The following ASB4 variants were observed in gnomAD, a reference collection of about 807,000 sequenced individuals.
The protein encoded by ASB4 is ankyrin repeat and SOCS box protein 4.
Under a neutral mutation model 38.6 loss-of-function variants are expected in ASB4, and 35 were observed. That is an observed-to-expected ratio of 0.91 (90% CI 0.69 to 1.20). The LOEUF (loss-of-function observed/expected upper bound fraction) is 1.20, where lower values mean the gene tolerates loss of function less well. ASB4 is among the 50% of genes most tolerant of loss of function. ASB4 has a pLI of 0.00. For synonymous variants in ASB4, 195 were observed against 201.3 expected (o/e 0.97, Z 0.26); for missense variants, 557 against 527.2 (o/e 1.06, Z -0.55).
At chr7:95,508,381 G>C (rs1206788512) in intron 2 of ASB4, among the ~76,000 whole-genome samples, 1 of 152,044 alleles carries the variant, frequency 6.6e-6, no homozygotes, top group Non-Finnish European at 1.5e-5. Context: ...AGAGTGAAAA[G>C]AGAAGAAGTA....
chr7:95,539,240 A>G lies in ASB4; in HGVS notation c.*1481A>G, dbSNP rs1790938116. 1 of 152,198 alleles carries G rather than the reference A, an allele frequency of 6.6e-6. No individual in the cohort carries two copies. The highest frequency in any genetic ancestry group is 2.4e-5 in the African/African-American group (1 of 41,452). 9.4% of individuals were successfully genotyped at this position (152,198 alleles called of 1,614,324 possible). On this transcript the variant is annotated 3_prime_UTR_variant, in exon 5 of 5. Coordinates refer to ENST00000325885, the MANE Select transcript of ASB4 (RefSeq NM_016116.3). ...AACTTTGGATGCTGGAGTGTTGAAT[A>G]GAGATGATGTCAGATATTCCAATAG...
intron 2 of ASB4, among the ~76,000 whole-genome samples, chr7:95,498,275 A>G (rs142204124): frequency 1.3e-5 from 2 of 152,322 alleles, no homozygotes; most frequent in African/African-American, 4.8e-5. Context: ...GTTTGAGTTC[A>G]GCGTGGGCAA....
At chr7:95,479,468 G>A (rs1213841517) in intron 1 of ASB4, among the ~76,000 whole-genome samples, 5 of 152,170 alleles carry the variant, frequency 3.3e-5, no homozygotes, top group Admixed American at 6.5e-5. Flanking sequence ...TAAAAGTATA[G>A]TTTTAATTGT....
At chr7:95,550,439 T>C in the ASB4 span, among the ~76,000 whole-genome samples, 1 of 152,172 alleles carries the variant, frequency 6.6e-6, no homozygotes, top group African/African-American at 2.4e-5. Context: ...GCTTCTCTCC[T>C]GTCTCGGAAG....
upstream of ASB4, among the ~76,000 whole-genome samples, chr7:95,477,252 C>T (rs1476589911): frequency 6.6e-6 from 1 of 152,078 alleles, no homozygotes; most frequent in East Asian, 1.9e-4. Context: ...TCTAGAAAAA[C>T]GTTTGTGGCT....
upstream of ASB4, among the ~76,000 whole-genome samples, chr7:95,477,120 C>A (rs1473053230): frequency 2.0e-5 from 3 of 151,436 alleles, no homozygotes; most frequent in Non-Finnish European, 4.4e-5. Context: ...TTTTTTTTCC[C>A]CAGGATACTG....
At chr7:95,534,710 T>A (rs910354093) in intron 3 of ASB4, among the ~76,000 whole-genome samples, 1 of 152,210 alleles carries the variant, frequency 6.6e-6, no homozygotes, top group Non-Finnish European at 1.5e-5. Flanking sequence ...TGACTTATAT[T>A]GCTCTCTAAC....
intron 2 of ASB4, among the ~76,000 whole-genome samples, chr7:95,505,505 G>A (rs563265441): frequency 6.6e-6 from 1 of 152,200 alleles, no homozygotes; most frequent in African/African-American, 2.4e-5. Flanking sequence ...TTCTTCAGAG[G>A]CAACCACTTT....
chr7:95,548,279 C>T, the ASB4 span, among the ~76,000 whole-genome samples: 2 of 152,142 alleles, frequency 1.3e-5, no homozygotes, highest in African/African-American at 4.8e-5. Context: ...AGTGATAAGT[C>T]TCTGTACTTT....
intron 2 of ASB4, among the ~76,000 whole-genome samples, chr7:95,500,089 C>T (rs1186582697): frequency 1.3e-5 from 2 of 151,698 alleles, no homozygotes; most frequent in South Asian, 2.1e-4. Flanking sequence ...GATGGTGCTA[C>T]GATGAGGGAG....
intron 3 of ASB4, among the ~76,000 whole-genome samples, chr7:95,534,277 A>T (rs1023889389): frequency 6.6e-6 from 1 of 151,764 alleles, no homozygotes; most frequent in Non-Finnish European, 1.5e-5. Flanking sequence ...CAGGAGGTGG[A>T]GGTTGCAGTG....
chr7:95,484,710 A>G (rs1790060510), upstream of ASB4, among the ~76,000 whole-genome samples: 1 of 152,170 alleles, frequency 6.6e-6, no homozygotes, highest in Non-Finnish European at 1.5e-5. Context: ...CACAAACGAC[A>G]TATAAAAATG....
At chr7:95,477,943 C>A (rs543468488), upstream of ASB4, among the ~76,000 whole-genome samples, 25 of 152,042 alleles carry the variant, frequency 1.6e-4, no homozygotes, top group Admixed American at 2.6e-4. Flanking sequence ...CTGCAATATC[C>A]CATAGTTTTG....
chr7:95,480,431 T>C (rs189658740), intron 1 of ASB4, among the ~76,000 whole-genome samples: 2 of 152,280 alleles, frequency 1.3e-5, no homozygotes. Flanking sequence ...CCTCTCTCAC[T>C]CTGAATCAGT....
chr7:95,470,904 A>G, the ASB4 span, among the ~76,000 whole-genome samples: 4 of 152,206 alleles, frequency 2.6e-5, no homozygotes, highest in Admixed American at 6.5e-5. Flanking sequence ...AATTAACATA[A>G]TAACTCTCCG....
intron 2 of ASB4, among the ~76,000 whole-genome samples, chr7:95,499,581 A>G (rs1327207837): frequency 6.6e-6 from 1 of 152,176 alleles, no homozygotes; most frequent in East Asian, 1.9e-4. Flanking sequence ...TTTGAATGGT[A>G]TAAAGTGCAA....
intron 1 of ASB4, among the ~76,000 whole-genome samples, chr7:95,493,550 C>T (rs1248723318): frequency 6.6e-6 from 1 of 152,034 alleles, no homozygotes; most frequent in Non-Finnish European, 1.5e-5. Context: ...GACAGAGAGA[C>T]AATAGCTTAT....
At chr7:95,484,866 G>A (rs958437476), upstream of ASB4, among the ~76,000 whole-genome samples, 1 of 151,556 alleles carries the variant, frequency 6.6e-6, no homozygotes, top group Non-Finnish European at 1.5e-5. Context: ...AAAGAATAAT[G>A]TAATGGATAC....
rs1412933677 is a variant in ASB4, at chr7:95,515,332, C to CCTTTCTTT, written c.488-12468_488-12461dup. Among the ~76,000 whole-genome samples the CCTTTCTTT allele has an allele frequency of 4.8e-4, 58 of 119,636 alleles. 2 individuals are homozygous for CCTTTCTTT. Among genetic ancestry groups the CCTTTCTTT allele is most frequent in the African/African-American group, 1.6e-3 (52 of 31,828 alleles). 78.5% of individuals were successfully genotyped at this position (119,636 alleles called of 152,430 possible). On this transcript the variant is annotated intron_variant, in intron 2 of 4. Coordinates refer to ENST00000325885, the MANE Select transcript of ASB4 (RefSeq NM_016116.3). ...TTCTTTCTTTCTTCCTTCCTTCCTT[C>CCTTTCTTT]CTTTCTTTCTTTCTTTCTTTTTCTT...
Sources: gnomAD v4.1 joint callset for allele counts (sites outside exome capture counted in the v4.1 genomes callset) on GRCh38, gnomAD v4.1.1 for gene constraint, MANE v1.5 for transcripts, NCBI Gene and HGNC (gene_info 2026-07-23, HGNC 2026-07-21) for gene names.